Variants in DMD observed in about 807,000 individuals in gnomAD.
DMD encodes the protein mutant dystrophin.
In DMD, 63 loss-of-function variants were observed where a neutral mutation model predicts 330.1. The observed-to-expected ratio is 0.19, with a 90% CI of 0.16 to 0.24. The LOEUF (loss-of-function observed/expected upper bound fraction) is 0.24. DMD is among the 10% of genes least tolerant of loss of function. The probability of loss-of-function intolerance (pLI) is 1.00; values close to 1 mark genes in which losing one functional copy is unlikely to be tolerated. For missense variants in DMD, 3,344 were observed against 2,684.1 expected, an observed-to-expected ratio of 1.25 and a Z score of -5.43; for synonymous variants, 1,223 against 959.8, an observed-to-expected ratio of 1.27 and a Z score of -5.07.
At position 32,551,390 on chromosome X, in the gene DMD, A is replaced by G. The variant is rs142733914; in HGVS notation, c.1993-6056T>C. 1.2e-3 allele frequency among the ~76,000 whole-genome samples: 135 copies of G among 111,702 alleles called. 1 individual carries two copies. The Middle Eastern group carries it at 0.028, about 23-fold the overall frequency. ...AACAGAACAAAAAATCAAAAACCAC[A>G]TGATCATTTCAGTAGATATAGAAAA... On this transcript the variant is annotated intron_variant, in intron 16 of 78. Transcript: ENST00000357033.
At chrX:32,679,971 G>C (rs1025823626) in intron 9 of DMD, among the ~76,000 whole-genome samples, 9 of 85,164 alleles carry the variant, frequency 1.1e-4, no homozygotes, top group Non-Finnish European at 1.7e-4. Context: ...CTGGAGTGCA[G>C]TGGCGCGATC....
At chrX:33,337,561 C>G (rs2054272500) in intron 1 of DMD, among the ~76,000 whole-genome samples, 1 of 111,680 alleles carries the variant, frequency 9.0e-6, no homozygotes, top group African/African-American at 3.2e-5. Context: ...TAAAATGATA[C>G]ATCTAGAAAA....
chrX:32,331,520 C>A (rs1245687279), intron 41 of DMD, among the ~76,000 whole-genome samples: 1 of 111,020 alleles, frequency 9.0e-6, no homozygotes, highest in Admixed American at 9.6e-5. Context: ...GTCAATATTT[C>A]CTGAAGAATG....
chrX:32,791,335 C>T (rs889832128), intron 7 of DMD, among the ~76,000 whole-genome samples: 1 of 111,777 alleles, frequency 8.9e-6, no homozygotes, highest in Non-Finnish European at 1.9e-5. Context: ...CACCTATAAG[C>T]CAAAGGGTTA....
intron 44 of DMD, among the ~76,000 whole-genome samples, chrX:32,170,006 A>G (rs1000029890): frequency 3.6e-5 from 4 of 111,815 alleles, no homozygotes; most frequent in African/African-American, 6.5e-5. Context: ...TGTTGTGATA[A>G]GCTATTTTTC....
intron 55 of DMD, among the ~76,000 whole-genome samples, chrX:31,571,256 T>TGTGTGG: frequency 1.5e-5 from 1 of 68,864 alleles, no homozygotes; most frequent in East Asian, 4.5e-4. Flanking sequence ...TTTAAAGGGG[T>TGTGTGG]GTGTGTGTGT....
At chrX:31,829,227 G>C (rs1344930847) in intron 49 of DMD, among the ~76,000 whole-genome samples, 6 of 110,635 alleles carry the variant, frequency 5.4e-5, no homozygotes, top group Admixed American at 4.9e-4. Flanking sequence ...CTCTAAGTGG[G>C]GAGCTTGGGA....
At position 33,096,226 on chromosome X, in the gene DMD, G is replaced by C. The variant is rs192215665; in HGVS notation, c.32-76026C>G. ...CCTGACCTCGTGATCCACCCACCTT[G>C]GCCTCCCAAAGTGCTGGGATTACTG... On this transcript the variant is annotated intron_variant, in intron 1 of 78. Transcript: ENST00000357033. Among the ~76,000 whole-genome samples, 221 of 110,191 alleles carry C rather than the reference G, an allele frequency of 2.0e-3. 4 individuals are homozygous for C. In the East Asian group the frequency reaches 0.059, roughly 29 times the overall value.
At chrX:32,239,493 A>C (rs757197854) in intron 43 of DMD, among the ~76,000 whole-genome samples, 9 of 111,864 alleles carry the variant, frequency 8.0e-5, no homozygotes, top group Middle Eastern at 4.7e-3. Flanking sequence ...AGAGTGGTAC[A>C]TTTGTTATAA....
At chrX:31,522,997 C>G (rs1457538716) in intron 55 of DMD, among the ~76,000 whole-genome samples, 1 of 111,256 alleles carries the variant, frequency 9.0e-6, no homozygotes, top group Non-Finnish European at 1.9e-5. Flanking sequence ...ATCAGTAGTT[C>G]CCTTAGTACA....
chrX:31,885,956 TATC>T (rs901853643), intron 47 of DMD, among the ~76,000 whole-genome samples: 3 of 111,127 alleles, frequency 2.7e-5, no homozygotes, highest in African/African-American at 9.8e-5. Context: ...ATGTTTAAAT[TATC>T]ATGATATAAT....
At chrX:32,998,106 A>G (rs1438418166) in intron 2 of DMD, among the ~76,000 whole-genome samples, 1 of 110,369 alleles carries the variant, frequency 9.1e-6, no homozygotes, top group East Asian at 2.8e-4. Context: ...CACACCTGTA[A>G]TCCCAGCTCT....
chrX:31,235,405 A>C (rs992087858), intron 63 of DMD, among the ~76,000 whole-genome samples: 2 of 112,260 alleles, frequency 1.8e-5, no homozygotes, highest in Non-Finnish European at 3.8e-5. Context: ...GTATACAATA[A>C]AAATAAAATC....
At chrX:33,256,898 G>A (rs2052865669) in intron 1 of DMD, among the ~76,000 whole-genome samples, 1 of 110,353 alleles carries the variant, frequency 9.1e-6, no homozygotes, top group African/African-American at 3.3e-5. Flanking sequence ...TTCTTCTTTA[G>A]TATTAATAAA....
At chrX:33,263,429 T>A (rs1028022107) in intron 1 of DMD, among the ~76,000 whole-genome samples, 2 of 103,430 alleles carry the variant, frequency 1.9e-5, no homozygotes, top group Non-Finnish European at 3.8e-5. Context: ...GTCAGAGAGC[T>A]TTTTAAAAAA....
intron 62 of DMD, among the ~76,000 whole-genome samples, chrX:31,276,660 CATT>C (rs1396596350): frequency 8.9e-6 from 1 of 111,919 alleles, no homozygotes; most frequent in African/African-American, 3.2e-5. Flanking sequence ...TTTATAACAT[CATT>C]TTTTTCTACC....
intron 50 of DMD, among the ~76,000 whole-genome samples, chrX:31,810,047 T>C (rs1159784796): frequency 9.7e-6 from 1 of 103,177 alleles, no homozygotes; most frequent in East Asian, 3.2e-4. Flanking sequence ...CTGTAAAATA[T>C]ATGTTCACTT....
Position 32,252,897 on chromosome X carries a change from T to A in DMD, c.6290+34632A>T, listed in dbSNP as rs1177077810. Among the ~76,000 whole-genome samples, 403 of 79,596 alleles carry A rather than the reference T, an allele frequency of 5.1e-3. 6 individuals are homozygous for A. Among genetic ancestry groups the A allele is most frequent in the African/African-American group, 0.02 (398 of 20,116 alleles). 69.1% of individuals were successfully genotyped at this position (79,596 alleles called of 115,157 possible). A position where few individuals can be genotyped will look rare whatever the true frequency, so the allele number is the denominator to read the frequency against. ...ATATAAAAATATATATAAATATATA[T>A]AAATATATACATAAATATATATAGA... On this transcript the variant is annotated intron_variant, in intron 43 of 78. Coordinates refer to ENST00000357033, the MANE Select transcript of DMD (RefSeq NM_004006.3).
intron 34 of DMD, among the ~76,000 whole-genome samples, chrX:32,378,749 A>T (rs1000741322): frequency 2.7e-5 from 3 of 111,112 alleles, no homozygotes; most frequent in Non-Finnish European, 5.7e-5. Context: ...CGGCAACTAC[A>T]TTTAATGTAT....
Sources: gnomAD v4.1 joint callset for allele counts (sites outside exome capture counted in the v4.1 genomes callset) on GRCh38, gnomAD v4.1.1 for gene constraint, MANE v1.5 for transcripts, NCBI Gene and HGNC (gene_info 2026-07-23, HGNC 2026-07-21) for gene names.